Variants in SLC22A24 observed in about 807,000 individuals in gnomAD.
SLC22A24 encodes the protein solute carrier family 22 member 24.
SLC22A24 carries 53 observed loss-of-function variants against 49.8 expected under a neutral mutation model. The ratio of observed to expected loss-of-function variants is 1.06; its 90% CI spans 0.85 to 1.34. The LOEUF (loss-of-function observed/expected upper bound fraction) is 1.34. Ranked by LOEUF, SLC22A24 falls within the 40% of genes most tolerant of loss-of-function variation. SLC22A24 has a pLI of 0.00. For missense variants in SLC22A24, 786 were observed against 675.9 expected (o/e 1.16, Z -1.81); for synonymous variants, 302 against 256.4 (o/e 1.18, Z -1.70).
At chr11:63,134,036 T>C (rs1039673802) in intron 2 of SLC22A24, among the ~76,000 whole-genome samples, 8 of 152,350 alleles carry the variant, frequency 5.3e-5, no homozygotes, top group African/African-American at 1.9e-4. Flanking sequence ...ATAACCCTTA[T>C]GTGGTTATAC....
In SLC22A24 at chr11:63,090,145, C is replaced by T. The variant is rs755759451; in HGVS notation, c.1070+5846G>A. 2.0e-5 allele frequency among the ~76,000 whole-genome samples: 3 copies of T among 148,194 alleles called. No homozygotes were observed. In the East Asian group the frequency reaches 6.0e-4, roughly 29 times the overall value. On this transcript the variant is annotated intron_variant, in intron 6 of 9. Coordinates refer to ENST00000612278, the MANE Select transcript of SLC22A24 (RefSeq NM_001136506.2). ...TTACATAATGGTAAAGGGATCAATG[C>T]GACAAGAAGAGCTAACTATCCTAAA... is the stretch of plus-strand genomic sequence containing the variant.
chr11:63,081,436 T>G, intron 8 of SLC22A24, 122 bp downstream of exon 8: 2 of 736,922 alleles, frequency 2.7e-6, no homozygotes. Flanking sequence ...TCAGTTACTC[T>G]GTTCATTTCT....
intron 2 of SLC22A24, among the ~76,000 whole-genome samples, chr11:63,132,029 T>C (rs1309249805): frequency 6.6e-6 from 1 of 152,226 alleles, no homozygotes; most frequent in Non-Finnish European, 1.5e-5. Context: ...TTCATTCATT[T>C]CATCTTCAAT....
At chr11:63,128,799 A>G (rs1045227559) in intron 2 of SLC22A24, among the ~76,000 whole-genome samples, 1 of 152,106 alleles carries the variant, frequency 6.6e-6, no homozygotes, top group Non-Finnish European at 1.5e-5. Context: ...CTTGTATCTA[A>G]TAAATAACAG....
chr11:63,102,264 G>A (rs1412107039), intron 5 of SLC22A24, among the ~76,000 whole-genome samples: 3 of 151,940 alleles, frequency 2.0e-5, no homozygotes, highest in Non-Finnish European at 4.4e-5. Flanking sequence ...AAAAGAAATG[G>A]CTTTGGAATA....
At position 63,143,787 on chromosome 11, in the gene SLC22A24, G is replaced by T; in HGVS notation, c.-8C>A. Reference sequence around the variant, plus strand: ...GAGCACATCAAAGCCCATTGAGACTGAACAGGTGATCCCCAAGAGGAAGCA... The same window carrying T: ...GAGCACATCAAAGCCCATTGAGACTTAACAGGTGATCCCCAAGAGGAAGCA... On this transcript the variant is annotated 5_prime_UTR_variant, in exon 1 of 10. Coordinates refer to ENST00000612278, the MANE Select transcript of SLC22A24 (RefSeq NM_001136506.2). 2 of 1,375,026 alleles carry T rather than the reference G, an allele frequency of 1.5e-6. No homozygotes were observed. The highest frequency in any genetic ancestry group is 1.9e-5 in the South Asian group (1 of 52,312). The allele number at this position is 1,375,026 out of a possible 1,614,324, so 85.2% of individuals were successfully genotyped here.
chr11:63,112,432 C>G (rs2087172675), intron 4 of SLC22A24, among the ~76,000 whole-genome samples: 1 of 152,020 alleles, frequency 6.6e-6, no homozygotes, highest in Admixed American at 6.6e-5. Context: ...GTTGATCTGT[C>G]TAATGTTGAT....
At chr11:63,123,871 A>G (rs376962108) in intron 2 of SLC22A24, among the ~76,000 whole-genome samples, 3 of 152,162 alleles carry the variant, frequency 2.0e-5, no homozygotes, top group South Asian at 4.1e-4. Context: ...GACTATTTCA[A>G]CAGCCTTTTA....
chr11:63,114,834 G>A (rs573926711), intron 4 of SLC22A24, among the ~76,000 whole-genome samples: 2 of 152,298 alleles, frequency 1.3e-5, no homozygotes, highest in Non-Finnish European at 2.9e-5. Flanking sequence ...CAGGTCTGTT[G>A]GAGTTTGCTG....
At chr11:63,098,800 G>C (rs974785903) in intron 5 of SLC22A24, among the ~76,000 whole-genome samples, 1 of 151,572 alleles carries the variant, frequency 6.6e-6, no homozygotes, top group Non-Finnish European at 1.5e-5. Flanking sequence ...AGAAAGAAAT[G>C]AAATTGAGAG....
chr11:63,106,052 G>C (rs1358060749), intron 4 of SLC22A24, among the ~76,000 whole-genome samples: 1,594 of 120,044 alleles, frequency 0.013, no homozygotes, highest in South Asian at 0.021. Context: ...TTTAGCATTA[G>C]GTATATCTCC....
chr11:63,094,255 C>T (rs1384983806), intron 6 of SLC22A24, among the ~76,000 whole-genome samples: 1 of 148,120 alleles, frequency 6.8e-6, no homozygotes, highest in African/African-American at 2.5e-5. Flanking sequence ...GGTTTTTTGT[C>T]CTTGCGATAG....
chr11:63,108,284 C>T (rs1027007244), intron 4 of SLC22A24, among the ~76,000 whole-genome samples: 9 of 152,086 alleles, frequency 5.9e-5, no homozygotes, highest in East Asian at 5.8e-4. Flanking sequence ...GGGATGAAGC[C>T]GACTTGATCG....
chr11:63,080,874 C>T (rs777449504), intron 9 of SLC22A24, 46 bp downstream of exon 9: 8 of 1,492,838 alleles, frequency 5.4e-6, no homozygotes, highest in Non-Finnish European at 7.3e-6. Context: ...ACAGCTACAG[C>T]ACATAGCCAC....
chr11:63,113,583 C>T (rs1432474525), intron 4 of SLC22A24, among the ~76,000 whole-genome samples: 12 of 151,856 alleles, frequency 7.9e-5, no homozygotes, highest in South Asian at 2.1e-4. Flanking sequence ...AGGCCGGGCA[C>T]AGTGGCTCAC....
At chr11:63,103,096 T>C (rs1010262384) in intron 5 of SLC22A24, among the ~76,000 whole-genome samples, 1 of 152,200 alleles carries the variant, frequency 6.6e-6, no homozygotes, top group Non-Finnish European at 1.5e-5. Context: ...CCAGACATTG[T>C]ACATGTGTTA....
intron 6 of SLC22A24, among the ~76,000 whole-genome samples, chr11:63,094,142 T>G (rs1302233625): frequency 1.3e-5 from 1 of 77,486 alleles, no homozygotes; most frequent in Non-Finnish European, 2.5e-5. Flanking sequence ...CCCTCCCCCC[T>G]CCCCCGACCC....
intron 2 of SLC22A24, among the ~76,000 whole-genome samples, chr11:63,128,750 C>T (rs1208924182): frequency 6.6e-6 from 1 of 152,196 alleles, no homozygotes; most frequent in Non-Finnish European, 1.5e-5. Flanking sequence ...CCTTACCTAT[C>T]ATTGGAGATG....
chr11:63,112,556 A>G (rs2087173784), intron 4 of SLC22A24, among the ~76,000 whole-genome samples: 1 of 152,058 alleles, frequency 6.6e-6, no homozygotes, highest in African/African-American at 2.4e-5. Context: ...TGATTGTTTC[A>G]AAACACCAGC....
Sources: allele counts gnomAD v4.1 joint callset (sites outside exome capture counted in the v4.1 genomes callset), GRCh38; gene constraint gnomAD v4.1.1; transcripts MANE v1.5; gene names NCBI Gene and HGNC (gene_info 2026-07-23, HGNC 2026-07-21).